Variants in AK5 observed in about 807,000 individuals in gnomAD.
AK5 encodes the protein adenylate kinase isoenzyme 5.
AK5 carries 27 observed loss-of-function variants against 69.5 expected under a neutral mutation model. That is an observed-to-expected ratio of 0.39 (90% CI 0.29 to 0.54). AK5 has a LOEUF of 0.54. Among genes scored for constraint, AK5 ranks in the 20% least tolerant of loss-of-function variants. AK5 has a pLI of 0.71. For synonymous variants in AK5, 260 were observed against 244.4 expected (o/e 1.06, Z -0.60); for missense variants, 531 against 700.4 (o/e 0.76, Z 2.73).
intron 6 of AK5, among the ~76,000 whole-genome samples, chr1:77,383,954 G>A (rs1386576627): frequency 6.6e-6 from 1 of 151,946 alleles, no homozygotes; most frequent in East Asian, 1.9e-4. Flanking sequence ...ATAGAAAAAG[G>A]GTGGATGAAT....
rs558268366 is a variant in AK5, at chr1:77,400,717, C to T, written c.892-10264C>T. 2.0e-5 allele frequency among the ~76,000 whole-genome samples: 3 copies of T among 152,210 alleles called. No homozygotes were observed. The South Asian group carries it at 6.2e-4, about 32-fold the overall frequency. ...TTCATAAATATCACAACAATTTTCT[C>T]TAGTATCTCTTTATTGTGTTGACTT... On this transcript the variant is annotated intron_variant, in intron 6 of 13. Coordinates refer to ENST00000354567, the MANE Select transcript of AK5 (RefSeq NM_174858.3).
intron 13 of AK5, among the ~76,000 whole-genome samples, chr1:77,544,835 A>C (rs1221087381): frequency 6.6e-6 from 1 of 152,206 alleles, no homozygotes; most frequent in Non-Finnish European, 1.5e-5. Context: ...AATATAGGAA[A>C]TACATAAACC....
chr1:77,439,069 G>A (rs966501117), intron 8 of AK5, among the ~76,000 whole-genome samples: 4 of 152,096 alleles, frequency 2.6e-5, no homozygotes, highest in Non-Finnish European at 4.4e-5. Context: ...CATTTCAGGG[G>A]CTGATAATCT....
chr1:77,402,499 T>C (rs1023958218), intron 6 of AK5, among the ~76,000 whole-genome samples: 1 of 142,090 alleles, frequency 7.0e-6, no homozygotes, highest in African/African-American at 2.6e-5. Flanking sequence ...CCTGTGTCCA[T>C]GTGTTCTCAT....
intron 6 of AK5, among the ~76,000 whole-genome samples, chr1:77,364,104 A>C (rs1646911246): frequency 6.6e-6 from 1 of 152,180 alleles, no homozygotes; most frequent in African/African-American, 2.4e-5. Context: ...CAACAATAGA[A>C]TTGTCAATTA....
chr1:77,398,634 GA>G (rs1318097919), intron 6 of AK5, among the ~76,000 whole-genome samples: 2 of 152,094 alleles, frequency 1.3e-5, no homozygotes, highest in African/African-American at 4.8e-5. Flanking sequence ...GTGCAGTAGA[GA>G]AAAAACGAGA....
chr1:77,336,048 A>C (rs1292075213), intron 5 of AK5, among the ~76,000 whole-genome samples: 1 of 148,972 alleles, frequency 6.7e-6, no homozygotes. Flanking sequence ...TTTTGGTTTG[A>C]GGTTACCATG....
intron 6 of AK5, among the ~76,000 whole-genome samples, chr1:77,352,644 TGAAA>T (rs1662272078): frequency 1.3e-5 from 2 of 152,214 alleles, no homozygotes; most frequent in Admixed American, 1.3e-4. Context: ...CAATAAAATT[TGAAA>T]GAGTTTATTT....
intron 6 of AK5, among the ~76,000 whole-genome samples, chr1:77,370,406 A>G (rs1231441547): frequency 1.3e-5 from 2 of 152,122 alleles, no homozygotes; most frequent in African/African-American, 2.4e-5. Flanking sequence ...GGCTCTCTCA[A>G]AGTAAACTTT....
At chr1:77,509,171 A>G (rs533062215) in intron 10 of AK5, among the ~76,000 whole-genome samples, 10 of 152,276 alleles carry the variant, frequency 6.6e-5, no homozygotes, top group African/African-American at 2.4e-4. Context: ...TCATTCATTC[A>G]CTGATATACT....
chr1:77,302,635 A>G (rs1376988583), intron 5 of AK5, among the ~76,000 whole-genome samples: 1 of 152,162 alleles, frequency 6.6e-6, no homozygotes, highest in African/African-American at 2.4e-5. Context: ...TCTTTTTGCA[A>G]TAGCCTAATC....
chr1:77,422,664 G>A (rs1450530455), intron 8 of AK5, among the ~76,000 whole-genome samples: 1 of 152,006 alleles, frequency 6.6e-6, no homozygotes, highest in Non-Finnish European at 1.5e-5. Context: ...CACAGGTTTG[G>A]TTCACCTTCT....
intron 5 of AK5, among the ~76,000 whole-genome samples, chr1:77,315,850 T>G (rs986708236): frequency 2.6e-5 from 4 of 151,464 alleles, no homozygotes; most frequent in African/African-American, 7.4e-5. Flanking sequence ...CGAGCCATCC[T>G]CCTGGATGTG....
At chr1:77,492,920 A>T (rs972256309) in intron 10 of AK5, among the ~76,000 whole-genome samples, 8 of 152,218 alleles carry the variant, frequency 5.3e-5, no homozygotes, top group African/African-American at 1.9e-4. Flanking sequence ...TGGCCCTGAC[A>T]TGGAGACTGA....
At chr1:77,327,517 G>A (rs998265754) in intron 5 of AK5, among the ~76,000 whole-genome samples, 6 of 151,926 alleles carry the variant, frequency 3.9e-5, no homozygotes, top group Admixed American at 1.3e-4. Flanking sequence ...CAACATTATC[G>A]TCCAGTCATT....
intron 8 of AK5, among the ~76,000 whole-genome samples, chr1:77,473,863 A>G (rs368034064): frequency 3.3e-5 from 5 of 152,356 alleles, no homozygotes; most frequent in East Asian, 1.9e-4. Flanking sequence ...AAATGCTCCA[A>G]AAATGCTCTT....
At chr1:77,531,845 A>T (rs1177848680) in intron 12 of AK5, among the ~76,000 whole-genome samples, 1 of 13,978 alleles carries the variant, frequency 7.2e-5, no homozygotes, top group Non-Finnish European at 1.4e-4. Flanking sequence ...GCAGGAGACC[A>T]GGGGGAGGTG....
intron 8 of AK5, among the ~76,000 whole-genome samples, chr1:77,442,324 G>T (rs1168734877): frequency 6.6e-6 from 1 of 152,208 alleles, no homozygotes; most frequent in Middle Eastern, 3.2e-3. Context: ...CAGTAGCCAT[G>T]TGGGCACAGA....
At chr1:77,549,215 G>A (rs1486881499) in intron 13 of AK5, among the ~76,000 whole-genome samples, 1 of 151,784 alleles carries the variant, frequency 6.6e-6, no homozygotes, top group Non-Finnish European at 1.5e-5. Flanking sequence ...TTGCTACACT[G>A]GTCAGAACAT....
Sources: allele counts gnomAD v4.1 joint callset (sites outside exome capture counted in the v4.1 genomes callset), GRCh38; gene constraint gnomAD v4.1.1; transcripts MANE v1.5; gene names NCBI Gene and HGNC (gene_info 2026-07-23, HGNC 2026-07-21).